The following SMYD1 variants were observed in gnomAD, a reference collection of about 807,000 sequenced individuals.
The protein encoded by SMYD1 is histone-lysine N-methyltransferase SMYD1.
Under a neutral mutation model 54.0 loss-of-function variants are expected in SMYD1, and 49 were observed. The observed-to-expected ratio is 0.91, with a 90% confidence interval of 0.72 to 1.15. The LOEUF is 1.15. SMYD1 is among the 50% of genes most tolerant of loss of function. The pLI is 0.00. For synonymous variants in SMYD1, 269 were observed against 234.2 expected, an observed-to-expected ratio of 1.15 and a Z score of -1.36; for missense variants, 653 against 639.6, an observed-to-expected ratio of 1.02 and a Z score of -0.23.
chr2:88,081,273 T>G (rs1225190627), intron 1 of SMYD1, among the ~76,000 whole-genome samples: 1 of 152,060 alleles, frequency 6.6e-6, no homozygotes. Flanking sequence ...CCTATCAAAG[T>G]GTTATTTTTT....
intron 5 of SMYD1, among the ~76,000 whole-genome samples, chr2:88,095,082 C>G (rs2104000823): frequency 6.6e-6 from 1 of 152,318 alleles, no homozygotes; most frequent in Middle Eastern, 3.4e-3. Context: ...AATCCTGGCT[C>G]TGTCCCGAAA....
At chr2:88,084,549 T>A (rs1674277944) in intron 2 of SMYD1, 57 bp downstream of exon 2, 1 of 1,491,580 alleles carries the variant, frequency 6.7e-7, no homozygotes, top group African/African-American at 1.4e-5. Context: ...GCTGGAATGG[T>A]GGCAGTAACA....
At chr2:88,080,107 A>G (rs1269206003) in intron 1 of SMYD1, among the ~76,000 whole-genome samples, 2 of 152,190 alleles carry the variant, frequency 1.3e-5, no homozygotes, top group Non-Finnish European at 2.9e-5. Flanking sequence ...GTAAATTCTT[A>G]AGCTTCAGAG....
rs1558858216 is a variant in SMYD1, at chr2:88,104,079, G to T, written c.981+929G>T. Among the ~76,000 whole-genome samples the T allele has an allele frequency of 2.0e-5, 3 of 151,040 alleles. No individual in the cohort carries two copies. The Admixed American group carries it at 2.0e-4, about 10-fold the overall frequency. Reference sequence around the variant, plus strand: ...CCTCCCAGGTTCACGCCATTCTCCTGCCTCAGCCTCCCAAGTAGCTGGGAC... The same window carrying T: ...CCTCCCAGGTTCACGCCATTCTCCTTCCTCAGCCTCCCAAGTAGCTGGGAC... On this transcript the variant is annotated intron_variant, in intron 7 of 9. Transcript: ENST00000419482.
chr2:88,113,141 C>G lies in SMYD1; in HGVS notation c.*2629C>G, dbSNP rs1333679258. ...CACCCAAGAACGTCACCTCCTCCAT[C>G]AGATTGTGAGCTCCTGGAGGGCAGG... is the stretch of plus-strand genomic sequence containing the variant. On this transcript the variant is annotated 3_prime_UTR_variant, in exon 10 of 10. Transcript: ENST00000419482. 6.6e-6 allele frequency: 1 copy of G among 152,204 alleles called. No individual in the cohort carries two copies. Among genetic ancestry groups the G allele is most frequent in the Non-Finnish European group, 1.5e-5 (1 of 68,042 alleles). The allele number at this position is 152,204 out of a possible 1,614,324, so 9.4% of individuals were successfully genotyped here. A position where few individuals can be genotyped will look rare whatever the true frequency, so the allele number is the denominator to read the frequency against.
intron 8 of SMYD1, among the ~76,000 whole-genome samples, chr2:88,107,574 G>C (rs556829840): frequency 6.6e-6 from 1 of 152,318 alleles, no homozygotes; most frequent in East Asian, 1.9e-4. Flanking sequence ...GCCTCCTTGA[G>C]CTGCAGTGGG....
At chr2:88,088,100 A>T (rs767683797) in intron 3 of SMYD1, 25 bp downstream of exon 3, 5 of 1,586,432 alleles carry the variant, frequency 3.2e-6, no homozygotes, top group Non-Finnish European at 3.4e-6. Flanking sequence ...TCCCTTCTCC[A>T]TCCTCCCTGT....
intron 1 of SMYD1, among the ~76,000 whole-genome samples, chr2:88,070,965 A>AAAAAAAAAT: frequency 6.6e-6 from 1 of 151,332 alleles, no homozygotes; most frequent in Non-Finnish European, 1.5e-5. Flanking sequence ...AAAAAAAAAA[A>AAAAAAAAAT]AACAGTAATA....
chr2:88,110,327 T>G, intron 9 of SMYD1, 27 bp from the exon 10 acceptor site: 1 of 1,597,994 alleles, frequency 6.3e-7, no homozygotes, highest in Non-Finnish European at 8.5e-7. Context: ...TTGCTATCAC[T>G]GTTTACGGTG....
At chr2:88,090,011 G>T (rs922193144) in intron 3 of SMYD1, among the ~76,000 whole-genome samples, 34 of 152,190 alleles carry the variant, frequency 2.2e-4, no homozygotes, top group African/African-American at 8.2e-4. Flanking sequence ...ATTACCAAAG[G>T]TTAGAGCTGA....
rs1453515349 is a variant in SMYD1, at chr2:88,106,469, A to C, written c.1126A>C (p.Arg376=). The C allele has an allele frequency of 1.9e-6, 3 of 1,614,042 alleles. No homozygotes were observed. The highest frequency in any genetic ancestry group is 2.5e-6 in the Non-Finnish European group (3 of 1,179,948). The change falls in exon 8 of 10, where the codon AGG becomes CGG. Residue 376 remains arginine, a synonymous_variant. Coordinates refer to ENST00000419482, the MANE Select transcript of SMYD1 (RefSeq NM_198274.4). ...AFEEASFYAR[R]MVDGYMKLYH... Reference sequence around the variant, plus strand: ...TGAGGAGGCCTCGTTCTATGCCAGGAGGATGGTGGACGGCTATATGTAGGT... The same window carrying C: ...TGAGGAGGCCTCGTTCTATGCCAGGCGGATGGTGGACGGCTATATGTAGGT...
intron 3 of SMYD1, 60 bp from the exon 4 acceptor site, chr2:88,090,952 G>A: frequency 6.4e-7 from 1 of 1,552,718 alleles, no homozygotes; most frequent in Non-Finnish European, 8.7e-7. Flanking sequence ...CCTTTCAACA[G>A]CTAGGATGTT....
chr2:88,087,723 T>C, intron 2 of SMYD1, 139 bp from the exon 3 acceptor site: 2 of 733,950 alleles, frequency 2.7e-6, no homozygotes, highest in Non-Finnish European at 2.2e-6. Flanking sequence ...AGCATCATGA[T>C]AGAATAAATT....
At chr2:88,084,652 C>G (rs967421356) in intron 2 of SMYD1, among the ~76,000 whole-genome samples, 160 bp downstream of exon 2, 2 of 152,218 alleles carry the variant, frequency 1.3e-5, no homozygotes, top group Admixed American at 6.5e-5. Flanking sequence ...CCCTTAAGGT[C>G]TAAGAGGGAG....
At chr2:88,075,297 A>G (rs1458988624) in intron 1 of SMYD1, among the ~76,000 whole-genome samples, 1 of 152,184 alleles carries the variant, frequency 6.6e-6, no homozygotes, top group Admixed American at 6.5e-5. Flanking sequence ...GATTAGATCA[A>G]ATGGCAGGTT....
chr2:88,103,209 G>A lies in SMYD1; in HGVS notation c.981+59G>A, dbSNP rs1674766352. ...GAAAGGAGGGTGGAAACATTCTCCAGTAAGGGAGGGAAGTGGCGTGAGAAC... is the reference window on the plus strand; with the variant it reads ...GAAAGGAGGGTGGAAACATTCTCCAATAAGGGAGGGAAGTGGCGTGAGAAC... On this transcript the variant is annotated intron_variant, in intron 7 of 9. Transcript: ENST00000419482. The A allele has an allele frequency of 2.9e-6, 4 of 1,372,492 alleles. No homozygotes were observed. In the South Asian group the frequency reaches 4.7e-5, roughly 16 times the overall value. The allele number at this position is 1,372,492 out of a possible 1,614,324, so 85.0% of individuals were successfully genotyped here.
intron 1 of SMYD1, among the ~76,000 whole-genome samples, chr2:88,069,937 T>C (rs968812731): frequency 1.3e-5 from 2 of 152,214 alleles, no homozygotes; most frequent in African/African-American, 4.8e-5. Flanking sequence ...TTTGGATTGT[T>C]TCCATGTTTT....
Position 88,087,862 on chromosome 2 carries a change from G to GTCGTGTAGAT in SMYD1, c.315_316insTCGTGTAGAT (p.Leu106SerfsTer76). ...CCTCCTGACGCTGCCCTTCCCACAG[G>GTCGTGTAGAT]CTGGCGGCGCGCATCATGTGGCGGG... On this transcript the variant is annotated frameshift_variant and splice_region_variant, in exon 3 of 10. Transcript: ENST00000419482. LOFTEE classifies it high-confidence loss of function. The GTCGTGTAGAT allele has an allele frequency of 6.4e-7, 1 of 1,573,126 alleles. No homozygotes were observed. The highest frequency in any genetic ancestry group is 1.8e-5 in the Admixed American group (1 of 55,880).
At chr2:88,070,322 AC>A (rs1195096996) in intron 1 of SMYD1, among the ~76,000 whole-genome samples, 12 of 152,224 alleles carry the variant, frequency 7.9e-5, no homozygotes, top group African/African-American at 2.9e-4. Context: ...AAGTCACTGT[AC>A]AAAACTGGCT....
Sources: gnomAD v4.1 joint callset for allele counts (sites outside exome capture counted in the v4.1 genomes callset) on GRCh38, gnomAD v4.1.1 for gene constraint, MANE v1.5 for transcripts, NCBI Gene and HGNC (gene_info 2026-07-23, HGNC 2026-07-21) for gene names.